Variants in KLHL1 observed in about 807,000 individuals in gnomAD.
The protein encoded by KLHL1 is kelch-like protein 1.
Under a neutral mutation model 77.7 loss-of-function variants are expected in KLHL1, and 47 were observed. The observed-to-expected ratio is 0.60, with a 90% CI of 0.48 to 0.77. The LOEUF (loss-of-function observed/expected upper bound fraction) is 0.77, where lower values mean the gene tolerates loss of function less well. Ranked by LOEUF, KLHL1 falls within the 30% of genes least tolerant of loss-of-function variation. The pLI is 0.00. For synonymous variants in KLHL1, 360 were observed against 325.2 expected (o/e 1.11, Z -1.15); for missense variants, 925 against 910.8 (o/e 1.02, Z -0.20).
chr13:70,083,817 G>A (rs1274291185), intron 1 of KLHL1, among the ~76,000 whole-genome samples: 3 of 151,782 alleles, frequency 2.0e-5, no homozygotes, highest in Non-Finnish European at 2.9e-5. Flanking sequence ...ATTCTACATT[G>A]TATACATATA....
chr13:69,766,506 C>T (rs1346994371), intron 7 of KLHL1, among the ~76,000 whole-genome samples: 1 of 150,466 alleles, frequency 6.6e-6, no homozygotes, highest in African/African-American at 2.4e-5. Flanking sequence ...ATTTAGAGTG[C>T]TTGACTCTGT....
rs570339186 is a variant in KLHL1, at chr13:70,091,278, CTTTCTT to C, written c.497+15919_497+15924del. On this transcript the variant is annotated intron_variant, in intron 1 of 10. Coordinates refer to ENST00000377844, the MANE Select transcript of KLHL1 (RefSeq NM_020866.3). ...ATGTCTTCTTTCTCTATCTTGAACC[CTTTCTT>C]TTTATCTTTCTTCCCTTCCTCCAAC... Among the ~76,000 whole-genome samples, 4 of 152,176 alleles carry C rather than the reference CTTTCTT, an allele frequency of 2.6e-5. No homozygotes were observed. The East Asian group carries it at 5.8e-4, about 22-fold the overall frequency.
chr13:70,080,873 C>T (rs145999758), intron 1 of KLHL1, among the ~76,000 whole-genome samples: 9 of 152,146 alleles, frequency 5.9e-5, no homozygotes, highest in East Asian at 1.9e-4. Context: ...AGTGCTGGGA[C>T]GTGAGCCACC....
At chr13:69,935,281 A>T (rs1008155299) in intron 4 of KLHL1, among the ~76,000 whole-genome samples, 1 of 152,002 alleles carries the variant, frequency 6.6e-6, no homozygotes, top group Middle Eastern at 3.4e-3. Flanking sequence ...AACTTGGTAC[A>T]TAGCAGTCAA....
intron 6 of KLHL1, among the ~76,000 whole-genome samples, chr13:69,829,045 A>G (rs1469443682): frequency 6.6e-6 from 1 of 150,438 alleles, no homozygotes; most frequent in Non-Finnish European, 1.5e-5. Context: ...CCCAAAGTAT[A>G]CTTATCCAAG....
chr13:69,908,526 A>C (rs1882120041), intron 4 of KLHL1, among the ~76,000 whole-genome samples: 1 of 149,094 alleles, frequency 6.7e-6, no homozygotes, highest in Non-Finnish European at 1.5e-5. Context: ...AGTATGCAAA[A>C]AATTTGAAGA....
At chr13:69,925,324 T>C (rs1593955080) in intron 4 of KLHL1, among the ~76,000 whole-genome samples, 2 of 152,336 alleles carry the variant, frequency 1.3e-5, no homozygotes, top group South Asian at 4.1e-4. Context: ...CTTACAGCAC[T>C]ATTAGGATGA....
At chr13:69,854,839 G>T (rs1879825621) in intron 5 of KLHL1, among the ~76,000 whole-genome samples, 1 of 151,928 alleles carries the variant, frequency 6.6e-6, no homozygotes, top group Admixed American at 6.6e-5. Context: ...ACTGCCAGAG[G>T]TATAGAACGA....
intron 7 of KLHL1, among the ~76,000 whole-genome samples, chr13:69,765,134 T>C (rs1875232558): frequency 6.6e-6 from 1 of 151,244 alleles, no homozygotes; most frequent in Non-Finnish European, 1.5e-5. Context: ...ATTTTTCGAG[T>C]AGAGATGGGA....
At chr13:70,037,102 T>C (rs533985019) in intron 1 of KLHL1, among the ~76,000 whole-genome samples, 5 of 152,152 alleles carry the variant, frequency 3.3e-5, no homozygotes, top group South Asian at 2.1e-4. Context: ...CTGTTGATTG[T>C]TGTAATGCCA....
At chr13:70,103,046 T>C (rs1456014826) in intron 1 of KLHL1, among the ~76,000 whole-genome samples, 2 of 152,072 alleles carry the variant, frequency 1.3e-5, no homozygotes, top group African/African-American at 4.8e-5. Flanking sequence ...TAGAGAACAG[T>C]TATTCTAAGA....
chr13:69,833,323 C>G (rs1361575455), intron 6 of KLHL1, among the ~76,000 whole-genome samples: 1 of 151,694 alleles, frequency 6.6e-6, no homozygotes, highest in Non-Finnish European at 1.5e-5. Context: ...TTCAAAAGAA[C>G]ATAAATAAAT....
chr13:69,845,153 G>A (rs985944911), intron 5 of KLHL1, among the ~76,000 whole-genome samples: 1 of 151,590 alleles, frequency 6.6e-6, no homozygotes, highest in African/African-American at 2.4e-5. Flanking sequence ...AAATAACCCA[G>A]GCCAAGCTCT....
chr13:69,910,412 A>G (rs1370621868), intron 4 of KLHL1, among the ~76,000 whole-genome samples: 1 of 152,094 alleles, frequency 6.6e-6, no homozygotes, highest in Non-Finnish European at 1.5e-5. Context: ...TTAGTAAATC[A>G]GAGTTTACCT....
chr13:69,933,196 A>G (rs1420576030), intron 4 of KLHL1, among the ~76,000 whole-genome samples: 1 of 152,116 alleles, frequency 6.6e-6, no homozygotes, highest in African/African-American at 2.4e-5. Context: ...ATATATAACT[A>G]GTTACTAAGA....
chr13:69,983,674 G>A (rs556675242), intron 1 of KLHL1, among the ~76,000 whole-genome samples: 1 of 151,642 alleles, frequency 6.6e-6, no homozygotes, highest in East Asian at 1.9e-4. Context: ...GGCTATGACA[G>A]GAGGGTCGCT....
chr13:69,885,049 G>T (rs7318739), intron 4 of KLHL1, among the ~76,000 whole-genome samples: 126,334 of 139,070 alleles, frequency 0.91, 58,811 homozygotes, highest in East Asian at 0.97. Flanking sequence ...CACGCCATTC[G>T]CCTGCCTCAG....
intron 3 of KLHL1, among the ~76,000 whole-genome samples, chr13:69,951,604 G>A (rs1883713784): frequency 1.3e-5 from 2 of 151,432 alleles, no homozygotes; most frequent in Admixed American, 1.3e-4. Flanking sequence ...TACCCTCTGT[G>A]AGGCCACCAT....
At chr13:69,920,524 A>G in intron 4 of KLHL1, among the ~76,000 whole-genome samples, 1 of 152,116 alleles carries the variant, frequency 6.6e-6, no homozygotes, top group East Asian at 1.9e-4. Flanking sequence ...ATATCCTTGG[A>G]TTGAATTAAT....
Sources: gnomAD v4.1 joint callset for allele counts (sites outside exome capture counted in the v4.1 genomes callset) on GRCh38, gnomAD v4.1.1 for gene constraint, MANE v1.5 for transcripts, NCBI Gene and HGNC (gene_info 2026-07-23, HGNC 2026-07-21) for gene names.